ACACA: variants seen among roughly 807,000 people sequenced by gnomAD.
ACACA encodes acetyl-CoA carboxylase alpha, also known as acetyl-CoA carboxylase 1.
Under a neutral mutation model 296.1 loss-of-function variants are expected in ACACA, and 103 were observed. That is an observed-to-expected ratio of 0.35 (90% CI 0.30 to 0.41). ACACA has a LOEUF of 0.41. Ranked by LOEUF, ACACA falls within the 10% of genes least tolerant of loss-of-function variation. ACACA has a pLI of 1.00. For missense variants in ACACA, 1,554 were observed against 2,989.7 expected, an observed-to-expected ratio of 0.52 and a Z score of 11.20; for synonymous variants, 953 against 1,038.6, an observed-to-expected ratio of 0.92 and a Z score of 1.58.
intron 7 of ACACA, 81 bp downstream of exon 7, chr17:37,276,952 G>T: frequency 8.1e-7 from 1 of 1,237,516 alleles, no homozygotes; most frequent in Non-Finnish European, 1.2e-6. Context: ...ATGTTAAACA[G>T]AAAATCAGAC....
At chr17:37,202,780 A>G (rs2078324555) in intron 33 of ACACA, among the ~76,000 whole-genome samples, 1 of 146,120 alleles carries the variant, frequency 6.8e-6, no homozygotes, top group Non-Finnish European at 1.5e-5. Context: ...ACAGTACCTG[A>G]TGCAGTAAAT....
chr17:37,397,955 G>C (rs2051134888), intron 1 of ACACA, among the ~76,000 whole-genome samples: 1 of 152,068 alleles, frequency 6.6e-6, no homozygotes, highest in South Asian at 2.1e-4. Flanking sequence ...TGGGGGCTGG[G>C]CGCGGTGACT....
chr17:37,198,251 G>C (rs985482355), intron 35 of ACACA, among the ~76,000 whole-genome samples: 3 of 152,170 alleles, frequency 2.0e-5, no homozygotes, highest in Non-Finnish European at 2.9e-5. Context: ...AGTTTTAGTT[G>C]ATCAGTGTAT....
chr17:37,247,496 T>C (rs1196774652), intron 18 of ACACA, among the ~76,000 whole-genome samples: 1 of 151,974 alleles, frequency 6.6e-6, no homozygotes, highest in Non-Finnish European at 1.5e-5. Context: ...GCCTCCCAAG[T>C]AGCTGGGACT....
intron 1 of ACACA, among the ~76,000 whole-genome samples, chr17:37,366,361 CG>C (rs2049601275): frequency 6.6e-6 from 1 of 152,052 alleles, no homozygotes; most frequent in Non-Finnish European, 1.5e-5. Context: ...GAGCCTTTAT[CG>C]TCAAGAAAAA....
chr17:37,234,992 G>A lies in ACACA; in HGVS notation c.3229C>T (p.Leu1077=). The A allele has an allele frequency of 1.2e-6, 2 of 1,613,818 alleles. No individual in the cohort carries two copies. The highest frequency in any genetic ancestry group is 8.5e-7 in the Non-Finnish European group (1 of 1,179,940). The part of the protein sequence containing the change: ...SHAQVTKKNL[L]VTMLIDQLCG... The stretch of plus-strand genomic sequence containing the variant: ...GTACTCACAATAAGCATTGTGACCA[G>A]AAGATTCTTCTTGGTGACTTGAGCG... Residue 1077 remains leucine, a synonymous_variant, in exon 25 of 56, where the codon CTG becomes TTG. Transcript: ENST00000616317.
At chr17:37,291,145 C>T (rs1368358803) in intron 3 of ACACA, among the ~76,000 whole-genome samples, 4 of 80,010 alleles carry the variant, frequency 5.0e-5, no homozygotes, top group African/African-American at 2.2e-4. Context: ...AAAACACATA[C>T]ACACACACAC....
chr17:37,269,369 T>C (rs115591349), intron 10 of ACACA, among the ~76,000 whole-genome samples: 76 of 152,292 alleles, frequency 5.0e-4, no homozygotes, highest in African/African-American at 1.8e-3. Flanking sequence ...GTTGAAAATG[T>C]TCTAAGTCAA....
At chr17:37,196,337 G>A (rs748043121) in intron 35 of ACACA, among the ~76,000 whole-genome samples, 2 of 151,314 alleles carry the variant, frequency 1.3e-5, no homozygotes, top group Non-Finnish European at 2.9e-5. Flanking sequence ...CTCATATAGT[G>A]AGCTCTTCCT....
intron 39 of ACACA, among the ~76,000 whole-genome samples, chr17:37,186,526 T>C (rs534645761): frequency 1.3e-5 from 2 of 152,350 alleles, no homozygotes; most frequent in East Asian, 3.9e-4. Context: ...AAAAACAGTT[T>C]GACAATAAGC....
intron 1 of ACACA, among the ~76,000 whole-genome samples, chr17:37,396,920 G>A (rs1016875672): frequency 6.6e-6 from 1 of 151,844 alleles, no homozygotes; most frequent in Non-Finnish European, 1.5e-5. Flanking sequence ...TAAATTCTAG[G>A]GTACATGTGC....
intron 40 of ACACA, among the ~76,000 whole-genome samples, chr17:37,180,870 T>A (rs2077292244): frequency 6.6e-6 from 1 of 152,308 alleles, no homozygotes; most frequent in South Asian, 2.1e-4. Context: ...TTAATATCCA[T>A]AATTTGAATA....
At chr17:37,247,884 A>T in intron 18 of ACACA, 127 bp downstream of exon 18, 1 of 1,004,574 alleles carries the variant, frequency 1.0e-6, no homozygotes, top group Non-Finnish European at 1.5e-6. Flanking sequence ...AAGTGCATGT[A>T]CTATTTTTTT....
intron 3 of ACACA, among the ~76,000 whole-genome samples, chr17:37,286,996 G>C (rs1007546046): frequency 1.3e-5 from 2 of 151,908 alleles, no homozygotes; most frequent in East Asian, 3.9e-4. Context: ...TGCAATTCTC[G>C]CTATTGAATG....
chr17:37,210,694 T>C (rs1049256688), intron 29 of ACACA, among the ~76,000 whole-genome samples: 1 of 141,922 alleles, frequency 7.0e-6, no homozygotes, highest in African/African-American at 2.7e-5. Flanking sequence ...CCACACCAGC[T>C]GTTGATGGAA....
At chr17:37,249,543 G>A (rs921606848) in intron 16 of ACACA, among the ~76,000 whole-genome samples, 6 of 152,042 alleles carry the variant, frequency 3.9e-5, no homozygotes, top group Non-Finnish European at 7.4e-5. Flanking sequence ...TTGACAGTGG[G>A]CATCCTAATG....
At chr17:37,180,292 T>A (rs1317448512) in intron 40 of ACACA, among the ~76,000 whole-genome samples, 1 of 152,192 alleles carries the variant, frequency 6.6e-6, no homozygotes, top group Non-Finnish European at 1.5e-5. Context: ...AAATACCGAA[T>A]GAAGGTATCT....
rs1213865320 is a variant in ACACA, at chr17:37,242,041, G to C, written c.2944C>G (p.Leu982Val). 6.2e-7 allele frequency: 1 copy of C among 1,613,686 alleles called. No homozygotes were observed. The highest frequency in any genetic ancestry group is 8.5e-7 in the Non-Finnish European group (1 of 1,179,908). Reference sequence around the variant, plus strand: ...TTCAATGTAGCTGCATGGCTATCTAGGATGTTTGCAATCTAAGGTATAAAA... The same window carrying C: ...TTCAATGTAGCTGCATGGCTATCTACGATGTTTGCAATCTAAGGTATAAAA... ...QFPSQQIANI[L>V]DSHAATLNRK... is the part of the protein sequence containing the mutation. Residue 982 changes from leucine to valine, a missense_variant, in exon 23 of 56, where the codon CTA (leucine) becomes GTA (valine). By Grantham distance (32) the Leu-to-Val change is conservative. Coordinates refer to ENST00000616317, the MANE Select transcript of ACACA (RefSeq NM_198834.3).
chr17:37,362,637 C>T (rs1224946910), intron 1 of ACACA, among the ~76,000 whole-genome samples: 3 of 152,130 alleles, frequency 2.0e-5, no homozygotes, highest in African/African-American at 7.2e-5. Context: ...ATTAGGGCAT[C>T]GTTTCTCAAA....
Sources: gnomAD v4.1 joint callset for allele counts (sites outside exome capture counted in the v4.1 genomes callset) on GRCh38, gnomAD v4.1.1 for gene constraint, MANE v1.5 for transcripts, NCBI Gene and HGNC (gene_info 2026-07-23, HGNC 2026-07-21) for gene names.